LARGE1: variants seen among roughly 807,000 people sequenced by gnomAD.
LARGE1 encodes the protein LARGE xylosyl- and glucuronyltransferase 1, also known as xylosyl- and glucuronyltransferase LARGE1.
Under a neutral mutation model 87.6 loss-of-function variants are expected in LARGE1, and 43 were observed. That is an observed-to-expected ratio of 0.49 (90% CI 0.38 to 0.63). LARGE1 has a LOEUF of 0.63. Among genes scored for constraint, LARGE1 ranks in the 30% least tolerant of loss-of-function variants. LARGE1 has a pLI of 0.00. For synonymous variants in LARGE1, 434 were observed against 394.6 expected (o/e 1.10, Z -1.18); for missense variants, 802 against 1,000.2 (o/e 0.80, Z 2.67).
At chr22:33,499,234 G>T (rs79198260) in intron 6 of LARGE1, among the ~76,000 whole-genome samples, 293 of 152,268 alleles carry the variant, frequency 1.9e-3, no homozygotes, top group African/African-American at 6.8e-3. Flanking sequence ...CCAAAGGAAG[G>T]TGCCTATAGT....
intron 2 of LARGE1, among the ~76,000 whole-genome samples, chr22:33,706,317 A>G (rs1200098409): frequency 2.6e-5 from 4 of 152,162 alleles, no homozygotes; most frequent in Non-Finnish European, 5.9e-5. Context: ...ACCGCCTCCA[A>G]TGGCCAAGAG....
rs534731432 is a variant in LARGE1 at position 33,362,782 on chromosome 22, T to C, written c.1131+19137A>G. Among the ~76,000 whole-genome samples the C allele has an allele frequency of 2.7e-4, 41 of 150,106 alleles. 4 individuals carry two copies. Among genetic ancestry groups the C allele is most frequent in the Non-Finnish European group, 1.5e-4 (10 of 67,194 alleles). On this transcript the variant is annotated intron_variant, in intron 9 of 14. Coordinates refer to ENST00000397394, the MANE Select transcript of LARGE1 (RefSeq NM_133642.5). ...CAACAGCTCAATGAAAAGAAGTCCCTAAACAAATTTGCTTTTGTGTTAGGT... is the reference window on the plus strand; with the variant it reads ...CAACAGCTCAATGAAAAGAAGTCCCCAAACAAATTTGCTTTTGTGTTAGGT...
rs139286692 is a variant in LARGE1, at chr22:33,831,301, G to A, written c.-82-69743C>T. Among the ~76,000 whole-genome samples, 57 of 152,252 alleles carry A rather than the reference G, an allele frequency of 3.7e-4. No homozygotes were observed. In the East Asian group the frequency reaches 9.3e-3, roughly 25 times the overall value. On this transcript the variant is annotated intron_variant, in intron 1 of 14. Coordinates refer to ENST00000397394, the MANE Select transcript of LARGE1 (RefSeq NM_133642.5). The stretch of plus-strand genomic sequence containing the variant: ...AAAGTTGCGACACAAAAAAAGGAGT[G>A]TCAAGGAAAGAATTCGTAAAAAGTC...
chr22:33,343,138 T>C (rs952808710), intron 9 of LARGE1, among the ~76,000 whole-genome samples: 1 of 152,170 alleles, frequency 6.6e-6, no homozygotes, highest in Non-Finnish European at 1.5e-5. Context: ...TGTTTGTTTG[T>C]TGTTTTAGAG....
chr22:33,537,735 T>A (rs1025769958), intron 6 of LARGE1, among the ~76,000 whole-genome samples: 1 of 151,586 alleles, frequency 6.6e-6, no homozygotes, highest in African/African-American at 2.4e-5. Flanking sequence ...CCCAGCAAAA[T>A]TTTTTTTTGG....
chr22:33,158,493 T>C (rs573647091), downstream of LARGE1, among the ~76,000 whole-genome samples: 3 of 152,294 alleles, frequency 2.0e-5, no homozygotes, highest in Admixed American at 2.0e-4. Flanking sequence ...TGATATATTA[T>C]AACATCTTCC....
At chr22:33,737,691 G>A (rs1022705028) in intron 2 of LARGE1, 14 of 152,196 alleles carry the variant, frequency 9.2e-5, no homozygotes, top group African/African-American at 2.7e-4. Context: ...GGGGAAGTGG[G>A]TGGAGCTTTC....
intron 1 of LARGE1, among the ~76,000 whole-genome samples, chr22:33,849,767 T>A (rs1428552711): frequency 6.6e-6 from 1 of 151,888 alleles, no homozygotes; most frequent in Non-Finnish European, 1.5e-5. Context: ...CCCAGCTAAC[T>A]TTTTTGTATT....
At chr22:33,898,300 GC>G (rs60947900) in intron 1 of LARGE1, among the ~76,000 whole-genome samples, 6 of 152,236 alleles carry the variant, frequency 3.9e-5, no homozygotes, top group Admixed American at 1.3e-4. Flanking sequence ...CAAGTGCCCC[GC>G]CCCCCATCCA....
At chr22:33,816,359 TG>T (rs56996764) in intron 1 of LARGE1, among the ~76,000 whole-genome samples, 28,381 of 152,138 alleles carry the variant, frequency 0.19, 2,776 homozygotes, top group Middle Eastern at 0.31. Flanking sequence ...TTCTAGAGGC[TG>T]GGAAGTCCAA....
chr22:33,439,661 C>G (rs1569164325), intron 6 of LARGE1, among the ~76,000 whole-genome samples: 1 of 152,182 alleles, frequency 6.6e-6, no homozygotes, highest in African/African-American at 2.4e-5. Flanking sequence ...TCACCAATCT[C>G]CATGTTAACT....
At chr22:33,461,858 T>C (rs925166457) in intron 6 of LARGE1, among the ~76,000 whole-genome samples, 2 of 152,038 alleles carry the variant, frequency 1.3e-5, no homozygotes, top group Non-Finnish European at 2.9e-5. Flanking sequence ...ATGATGCCCA[T>C]GGCCTATAGC....
chr22:33,270,072 A>G (rs920690846), downstream of LARGE1, among the ~76,000 whole-genome samples: 2 of 151,940 alleles, frequency 1.3e-5, no homozygotes, highest in African/African-American at 4.8e-5. Flanking sequence ...TTAAATATTC[A>G]CAGTCAGAAA....
intron 12 of LARGE1, among the ~76,000 whole-genome samples, chr22:33,288,931 AG>A (rs1331045197): frequency 2.6e-5 from 4 of 152,050 alleles, no homozygotes; most frequent in African/African-American, 9.7e-5. Flanking sequence ...AACCTACTAT[AG>A]TATATTGGAT....
At chr22:33,069,560 T>C in the LARGE1 span, among the ~76,000 whole-genome samples, 4 of 152,098 alleles carry the variant, frequency 2.6e-5, no homozygotes, top group Admixed American at 2.6e-4. Context: ...TGTTTCCCTA[T>C]CTGTAAAATG....
At chr22:33,120,107 A>T in the LARGE1 span, among the ~76,000 whole-genome samples, 1 of 152,050 alleles carries the variant, frequency 6.6e-6, no homozygotes, top group African/African-American at 2.4e-5. Flanking sequence ...CTCTTGCAGT[A>T]AAAAAAAGTA....
At chr22:33,662,617 A>G (rs928619845) in intron 2 of LARGE1, among the ~76,000 whole-genome samples, 1 of 152,170 alleles carries the variant, frequency 6.6e-6, no homozygotes, top group African/African-American at 2.4e-5. Flanking sequence ...TAAAAAGAGG[A>G]ATAGAAAGAG....
At chr22:33,808,543 C>T (rs2086387409) in intron 1 of LARGE1, among the ~76,000 whole-genome samples, 1 of 152,016 alleles carries the variant, frequency 6.6e-6, no homozygotes, top group African/African-American at 2.4e-5. Flanking sequence ...TGAAATCAAA[C>T]AGTATTTATG....
chr22:33,885,507 C>T (rs913981690), intron 1 of LARGE1, among the ~76,000 whole-genome samples: 1 of 152,192 alleles, frequency 6.6e-6, no homozygotes, highest in Non-Finnish European at 1.5e-5. Flanking sequence ...ATAAGGCAGC[C>T]TTACGTAACT....
Sources: gnomAD v4.1 joint callset for allele counts (sites outside exome capture counted in the v4.1 genomes callset) on GRCh38, gnomAD v4.1.1 for gene constraint, MANE v1.5 for transcripts, NCBI Gene and HGNC (gene_info 2026-07-23, HGNC 2026-07-21) for gene names.